The following NTM variants were observed in gnomAD, a reference collection of about 807,000 sequenced individuals.
NTM encodes the protein IgLON family member 2.
In NTM, 13 loss-of-function variants were observed where a neutral mutation model predicts 42.1. The ratio of observed to expected loss-of-function variants is 0.31; its 90% CI spans 0.20 to 0.49. The LOEUF (loss-of-function observed/expected upper bound fraction) is 0.49. NTM is among the 20% of genes least tolerant of loss of function. The probability of loss-of-function intolerance (pLI) is 0.99; values close to 1 mark genes in which losing one functional copy is unlikely to be tolerated. For missense variants in NTM, 373 were observed against 452.8 expected, an observed-to-expected ratio of 0.82 and a Z score of 1.60; for synonymous variants, 187 against 179.2, an observed-to-expected ratio of 1.04 and a Z score of -0.35.
chr11:131,398,194 G>A (rs1476676408), intron 1 of NTM, among the ~76,000 whole-genome samples: 5 of 152,050 alleles, frequency 3.3e-5, no homozygotes, highest in Admixed American at 3.3e-4. Context: ...TTCACGAATC[G>A]ATTATATCAT....
chr11:131,858,392 C>T (rs1024396888), intron 1 of NTM, among the ~76,000 whole-genome samples: 1 of 151,232 alleles, frequency 6.6e-6, no homozygotes, highest in African/African-American at 2.4e-5. Context: ...TATCTGTTTC[C>T]CCAGTTGGGC....
chr11:132,218,072 G>A (rs780566004), intron 4 of NTM, among the ~76,000 whole-genome samples: 7 of 152,222 alleles, frequency 4.6e-5, no homozygotes, highest in Admixed American at 2.6e-4. Context: ...GCGTGCCATC[G>A]GCTGACTGCA....
chr11:131,517,999 GTC>G (rs1252181621), intron 1 of NTM, among the ~76,000 whole-genome samples: 11 of 152,204 alleles, frequency 7.2e-5, no homozygotes, highest in Non-Finnish European at 1.2e-4. Context: ...TAATTATCAT[GTC>G]TCTCATTTGT....
intron 1 of NTM, among the ~76,000 whole-genome samples, chr11:131,685,661 A>G (rs1456879760): frequency 6.6e-6 from 1 of 152,122 alleles, no homozygotes; most frequent in Admixed American, 6.5e-5. Context: ...ACAGAGCCAC[A>G]GCACACTCTC....
intron 2 of NTM, among the ~76,000 whole-genome samples, chr11:132,046,297 T>C (rs974595535): frequency 6.6e-6 from 1 of 152,248 alleles, no homozygotes; most frequent in African/African-American, 2.4e-5. Flanking sequence ...ACAAACCATA[T>C]TGTATTTATT....
At chr11:131,835,243 T>C (rs714059) in intron 1 of NTM, among the ~76,000 whole-genome samples, 85,848 of 151,916 alleles carry the variant, frequency 0.57, 25,320 homozygotes, top group Admixed American at 0.68. Context: ...AAAATACATG[T>C]GTGTTGTATG....
chr11:131,853,564 G>T (rs1298382346), intron 1 of NTM, among the ~76,000 whole-genome samples: 1 of 152,218 alleles, frequency 6.6e-6, no homozygotes. Context: ...CCCTGCAAAA[G>T]ACATGATCTC....
At chr11:131,874,046 T>TA (rs1325429503) in intron 1 of NTM, among the ~76,000 whole-genome samples, 1 of 39,704 alleles carries the variant, frequency 2.5e-5, no homozygotes, top group Admixed American at 2.3e-4. Context: ...TATATATATA[T>TA]ATATATATAT....
chr11:132,100,682 A>G (rs556728805), intron 2 of NTM, among the ~76,000 whole-genome samples: 11 of 152,306 alleles, frequency 7.2e-5, no homozygotes, highest in Non-Finnish European at 1.5e-4. Context: ...TGTCTTCGGA[A>G]AGGCTTTATT....
intron 2 of NTM, among the ~76,000 whole-genome samples, chr11:132,023,136 C>T (rs1426333261): frequency 1.3e-5 from 2 of 152,140 alleles, no homozygotes; most frequent in East Asian, 1.9e-4. Flanking sequence ...GTGGGGAAGA[C>T]ACATTTACCA....
chr11:132,131,124 G>A (rs2066744920), intron 2 of NTM, among the ~76,000 whole-genome samples: 1 of 152,224 alleles, frequency 6.6e-6, no homozygotes, highest in Admixed American at 6.5e-5. Context: ...CATTTTGAAA[G>A]CTTTTGTGGA....
At chr11:132,034,243 A>T (rs1009714268) in intron 2 of NTM, among the ~76,000 whole-genome samples, 15 of 152,256 alleles carry the variant, frequency 9.9e-5, no homozygotes, top group African/African-American at 2.6e-4. Flanking sequence ...CACATAGTTT[A>T]TATTCCTTCT....
chr11:131,460,829 C>T (rs1041940214), intron 1 of NTM, among the ~76,000 whole-genome samples: 1 of 152,204 alleles, frequency 6.6e-6, no homozygotes, highest in Non-Finnish European at 1.5e-5. Context: ...GCTGGAATTA[C>T]AGGCGTGAAC....
chr11:132,062,154 A>G (rs1434382558), intron 2 of NTM, among the ~76,000 whole-genome samples: 1 of 152,230 alleles, frequency 6.6e-6, no homozygotes, highest in Non-Finnish European at 1.5e-5. Flanking sequence ...GTAATTTACC[A>G]CCCCAGGTGC....
chr11:131,796,607 G>A (rs1018186207), intron 1 of NTM, among the ~76,000 whole-genome samples: 1 of 152,172 alleles, frequency 6.6e-6, no homozygotes, highest in Non-Finnish European at 1.5e-5. Flanking sequence ...AGAAGAAATG[G>A]AGTGTGTAGA....
chr11:132,198,286 G>A (rs970154491), intron 3 of NTM, among the ~76,000 whole-genome samples: 1 of 152,172 alleles, frequency 6.6e-6, no homozygotes, highest in Non-Finnish European at 1.5e-5. Context: ...GCTCACTGCA[G>A]CCTCAACTTC....
At position 131,521,206 on chromosome 11, in the gene NTM, T is replaced by G. The variant is rs375176727; in HGVS notation, c.82+150318T>G. ...AGCATGTGCCTGTAGTCCCAGCTAC[T>G]TGGGAGGCTGAGGCAGAAGAATCAC... On this transcript the variant is annotated intron_variant, in intron 1 of 8. Transcript: ENST00000683400. 1.5e-4 allele frequency among the ~76,000 whole-genome samples: 22 copies of G among 151,180 alleles called. 1 individual carries two copies. In the East Asian group the frequency reaches 3.2e-3, roughly 22 times the overall value.
intron 1 of NTM, among the ~76,000 whole-genome samples, chr11:131,796,908 C>T (rs1175127497): frequency 6.6e-6 from 1 of 152,094 alleles, no homozygotes; most frequent in African/African-American, 2.4e-5. Flanking sequence ...ATTACACTTA[C>T]AAATAGTCAA....
rs528649873 is a variant in NTM, at chr11:132,002,393, G to A, written c.167+90745G>A. Among the ~76,000 whole-genome samples, 57 of 152,274 alleles carry A rather than the reference G, an allele frequency of 3.7e-4. No individual in the cohort carries two copies. Among genetic ancestry groups the A allele is most frequent in the African/African-American group, 1.3e-3 (54 of 41,556 alleles). On this transcript the variant is annotated intron_variant, in intron 2 of 8. Transcript: ENST00000683400. The surrounding 1 kb of genome is among the most constrained non-coding windows in gnomAD (Gnocchi z 4.5). ...GAGTTTTCTAATAAGCAACTGAGTT[G>A]GGAAGGTAACAGAAGGGGAAATTTT...
Sources: allele counts gnomAD v4.1 joint callset (sites outside exome capture counted in the v4.1 genomes callset), GRCh38; gene constraint gnomAD v4.1.1; non-coding constraint Gnocchi (gnomAD v3.1); transcripts MANE v1.5; gene names NCBI Gene and HGNC (gene_info 2026-07-23, HGNC 2026-07-21).